Variants in CD1B observed in about 807,000 individuals in gnomAD.
CD1B encodes CD1b molecule.
Under a neutral mutation model 39.8 loss-of-function variants are expected in CD1B, and 43 were observed. The observed-to-expected ratio is 1.08, with a 90% CI of 0.85 to 1.39. CD1B has a LOEUF of 1.39. Ranked by LOEUF, CD1B falls within the 40% of genes most tolerant of loss-of-function variation. The pLI is 0.00. For synonymous variants in CD1B, 192 were observed against 152.5 expected (o/e 1.26, Z -1.91); for missense variants, 495 against 403.8 (o/e 1.23, Z -1.94).
the CD1B span, among the ~76,000 whole-genome samples, chr1:158,305,361 C>T: frequency 0.02 from 3,006 of 151,514 alleles, 98 homozygotes; most frequent in African/African-American, 0.067. Context: ...ATGAATGAAA[C>T]GAAGTGAGAA....
At chr1:158,304,077 GT>G in the CD1B span, among the ~76,000 whole-genome samples, 1,065 of 152,200 alleles carry the variant, frequency 7.0e-3, 3 homozygotes, top group Non-Finnish European at 0.012. Flanking sequence ...TCACTGAGGA[GT>G]GTCAGAAAGT....
rs778918972 is a variant in CD1B, at chr1:158,330,911, C to T, written c.213G>A (p.Trp71Ter). The T allele has an allele frequency of 4.3e-6, 7 of 1,614,102 alleles. No individual in the cohort carries two copies. The highest frequency in any genetic ancestry group is 5.9e-6 in the Non-Finnish European group (7 of 1,179,972). Residue 71 changes from tryptophan to a stop codon, truncating the protein, a stop_gained, in exon 2 of 6, where the codon TGG becomes TGA. Coordinates refer to ENST00000368168, the MANE Select transcript of CD1B (RefSeq NM_001764.3). LOFTEE classifies it high-confidence loss of function. Reference protein sequence around the residue: ...DSGTAIFLKPWSKGNFSDKEV... With the variant: ...DSGTAIFLKP ...CCTTATCACTAAAGTTACCTTTAGA[C>T]CAAGGCTTCAGGAATATGGCAGTGC...
chr1:158,316,408 T>A, the CD1B span, among the ~76,000 whole-genome samples: 7 of 151,800 alleles, frequency 4.6e-5, no homozygotes, highest in Non-Finnish European at 1.0e-4. Flanking sequence ...TATTTTATTC[T>A]CTTTAAAGCA....
At chr1:158,313,106 T>A in the CD1B span, among the ~76,000 whole-genome samples, 1 of 149,640 alleles carries the variant, frequency 6.7e-6, no homozygotes, top group Non-Finnish European at 1.5e-5. Context: ...TTGAAATGAT[T>A]ACGTGCTTTT....
At chr1:158,290,259 T>C in the CD1B span, 6 of 716,052 alleles carry the variant, frequency 8.4e-6, no homozygotes, top group Admixed American at 1.4e-4. Flanking sequence ...AGTTTACTCT[T>C]TTGGAGGATG....
At chr1:158,299,496 C>G in the CD1B span, among the ~76,000 whole-genome samples, 1 of 151,982 alleles carries the variant, frequency 6.6e-6, no homozygotes, top group African/African-American at 2.4e-5. Flanking sequence ...TTATGCTGGC[C>G]TCAAAAAATG....
the CD1B span, among the ~76,000 whole-genome samples, chr1:158,313,962 T>C: frequency 6.6e-6 from 1 of 152,168 alleles, no homozygotes; most frequent in African/African-American, 2.4e-5. Flanking sequence ...TAGTTGTTCA[T>C]AATGGTCTCT....
the CD1B span, among the ~76,000 whole-genome samples, chr1:158,304,614 A>G: frequency 6.6e-6 from 1 of 152,146 alleles, no homozygotes; most frequent in African/African-American, 2.4e-5. Context: ...ATGCAGCTGG[A>G]GATCTGAGAA....
At chr1:158,286,524 C>G in the CD1B span, among the ~76,000 whole-genome samples, 2 of 152,174 alleles carry the variant, frequency 1.3e-5, no homozygotes, top group Admixed American at 1.3e-4. Context: ...CTAAGGATCA[C>G]GTTTTCCATG....
chr1:158,325,407 T>C (rs2101707032), downstream of CD1B, among the ~76,000 whole-genome samples: 1 of 152,266 alleles, frequency 6.6e-6, no homozygotes, highest in East Asian at 1.9e-4. Context: ...GTTTTCTTAT[T>C]AAGCCAGACA....
the CD1B span, among the ~76,000 whole-genome samples, chr1:158,306,052 T>A: frequency 6.6e-6 from 1 of 152,108 alleles, no homozygotes; most frequent in Admixed American, 6.5e-5. Flanking sequence ...CCTAACATCA[T>A]AATGACAGGA....
chr1:158,318,692 T>C, the CD1B span, among the ~76,000 whole-genome samples: 1 of 152,202 alleles, frequency 6.6e-6, no homozygotes, highest in African/African-American at 2.4e-5. Context: ...ATGTGTGAAT[T>C]TGATCCTGTC....
chr1:158,320,047 A>T, the CD1B span, among the ~76,000 whole-genome samples: 47 of 152,336 alleles, frequency 3.1e-4, no homozygotes, highest in African/African-American at 1.1e-3. Context: ...GTACTGGGAG[A>T]ACCACTGCTC....
At chr1:158,310,115 AC>A in the CD1B span, among the ~76,000 whole-genome samples, 2 of 152,204 alleles carry the variant, frequency 1.3e-5, no homozygotes, top group Non-Finnish European at 2.9e-5. Flanking sequence ...TAGTAGAAAA[AC>A]AAACACATAG....
chr1:158,329,161 C>A, intron 4 of CD1B, 147 bp from the exon 5 acceptor site: 2 of 906,874 alleles, frequency 2.2e-6, no homozygotes, highest in Non-Finnish European at 3.3e-6. Context: ...ATCCTTTGAT[C>A]CCCTCTACCC....
At chr1:158,317,738 C>T in the CD1B span, among the ~76,000 whole-genome samples, 1 of 152,092 alleles carries the variant, frequency 6.6e-6, no homozygotes, top group African/African-American at 2.4e-5. Context: ...TTTTCTAGTT[C>T]TTTTAACTGT....
At chr1:158,312,975 G>A in the CD1B span, among the ~76,000 whole-genome samples, 1 of 152,054 alleles carries the variant, frequency 6.6e-6, no homozygotes, top group African/African-American at 2.4e-5. Context: ...TTTTATATTA[G>A]CTGTGGGTTT....
the CD1B span, among the ~76,000 whole-genome samples, chr1:158,316,641 C>T: frequency 8.2e-3 from 1,230 of 150,850 alleles, 17 homozygotes; most frequent in Middle Eastern, 0.021. Flanking sequence ...TAATTGAATA[C>T]CCTTTATTTC....
the CD1B span, among the ~76,000 whole-genome samples, chr1:158,286,483 G>A: frequency 2.0e-5 from 3 of 152,284 alleles, no homozygotes; most frequent in African/African-American, 7.2e-5. Flanking sequence ...TTTCATGAAA[G>A]CAATTTGAAT....
Sources: gnomAD v4.1 joint callset for allele counts (sites outside exome capture counted in the v4.1 genomes callset) on GRCh38, gnomAD v4.1.1 for gene constraint, MANE v1.5 for transcripts, NCBI Gene and HGNC (gene_info 2026-07-23, HGNC 2026-07-21) for gene names.